The following VTN variants were observed in gnomAD, a reference collection of about 807,000 sequenced individuals.
VTN encodes vitronectin.
In VTN, 45 loss-of-function variants were observed where a neutral mutation model predicts 55.9. The ratio of observed to expected loss-of-function variants is 0.80; its 90% confidence interval spans 0.63 to 1.03. The LOEUF (loss-of-function observed/expected upper bound fraction) is 1.03, where lower values mean the gene tolerates loss of function less well. Ranked by LOEUF, VTN falls within the 50% of genes least tolerant of loss-of-function variation. The pLI, the probability that VTN is intolerant of heterozygous loss-of-function variation, is 0.00. For synonymous variants in VTN, 238 were observed against 242.3 expected (o/e 0.98, Z 0.17); for missense variants, 589 against 638.2 (o/e 0.92, Z 0.83).
chr17:28,369,878 T>A lies in VTN; in HGVS notation c.185-27A>T. On this transcript the variant is annotated intron_variant, in intron 2 of 7. Transcript: ENST00000226218. This position sits in a 1 kb window ranked among gnomAD's most constrained non-coding sequence, Gnocchi z 5.3. ...TGCAGAGAGTGGATGGTAGTGAGTCTCCAGCAGCAGGGGGCACCCCAGCCC... is the reference window on the plus strand; with the variant it reads ...TGCAGAGAGTGGATGGTAGTGAGTCACCAGCAGCAGGGGGCACCCCAGCCC... 1 of 1,612,222 alleles carries A rather than the reference T, an allele frequency of 6.2e-7. No individual in the cohort carries two copies. Among genetic ancestry groups the A allele is most frequent in the Non-Finnish European group, 8.5e-7 (1 of 1,178,560 alleles).
Position 28,369,249 on chromosome 17 carries a change from T to C in VTN, c.669+40A>G. 1.9e-6 allele frequency: 3 copies of C among 1,541,748 alleles called. No homozygotes were observed. Among genetic ancestry groups the C allele is most frequent in the Non-Finnish European group, 2.6e-6 (3 of 1,141,852 alleles). ...CCTGGGAGCAATAGCTCTCAAACCC[T>C]CCCTAGATGCTTTCTACCCTGGCCC... On this transcript the variant is annotated intron_variant, in intron 4 of 7. Transcript: ENST00000226218. The surrounding 1 kb of genome is among the most constrained non-coding windows in gnomAD (Gnocchi z 5.3).
chr17:28,367,699 T>A lies in VTN; in HGVS notation c.1324+16A>T. The A allele has an allele frequency of 2.5e-6, 4 of 1,601,512 alleles. No homozygotes were observed. Among genetic ancestry groups the A allele is most frequent in the Non-Finnish European group, 2.6e-6 (3 of 1,171,830 alleles). ...ACCCAAGCTAGACCAGCTTCAGGGG[T>A]GGCAGCGGCTCCTACCTCCAGAGAA... On this transcript the variant is annotated intron_variant, in intron 7 of 7. Transcript: ENST00000226218.
Position 28,369,312 on chromosome 17 carries a change from G to C in VTN, c.646C>G (p.Gln216Glu). 6.3e-7 allele frequency: 1 copy of C among 1,599,960 alleles called. No homozygotes were observed. The highest frequency in any genetic ancestry group is 1.7e-5 in the Admixed American group (1 of 59,150). ...IDAAFTRINC[Q>E]GKTYLFKGSQ... ...ACCTTGAAGAGGTAGGTCTTCCCCT[G>C]ACAGTTGATGCGGGTGAAGGCGGCA... The change falls in exon 4 of 8, where the codon CAG becomes GAG. Residue 216 changes from glutamine to glutamate, a missense_variant. By Grantham distance (29) the Gln-to-Glu change is conservative (BLOSUM62 2). Transcript: ENST00000226218. The surrounding 1 kb of genome is among the most constrained non-coding windows in gnomAD (Gnocchi z 5.3).
Position 28,368,591 on chromosome 17 carries a change from T to G in VTN, c.909A>C (p.Glu303Asp). ...TGTCCCGCTGCATCATGGCAAAGTG[T>G]TCAAACACAGCCGACAGGGAGCTGC... ...CEGSSLSAVFEHFAMMQRDSW... is the reference protein window; with the variant it reads ...CEGSSLSAVFDHFAMMQRDSW... The change falls in exon 6 of 8, where the codon GAA (glutamate) becomes GAC (aspartate). Residue 303 changes from glutamate (E) to aspartate (D), a missense_variant. Around this residue, in one of 3 missense-constraint regions of VTN, gnomAD observed 334 missense variants for 328.2 expected, o/e 1.02. Transcript: ENST00000226218. 1 of 1,613,944 alleles carries G rather than the reference T, an allele frequency of 6.2e-7. No individual in the cohort carries two copies. The highest frequency in any genetic ancestry group is 2.2e-5 in the East Asian group (1 of 44,880).
chr17:28,369,236 A>C lies in VTN; in HGVS notation c.669+53T>G. Reference sequence around the variant, plus strand: ...TGTCCACCCTGTCCCTGGGAGCAATAGCTCTCAAACCCTCCCTAGATGCTT... The same window carrying C: ...TGTCCACCCTGTCCCTGGGAGCAATCGCTCTCAAACCCTCCCTAGATGCTT... On this transcript the variant is annotated intron_variant, in intron 4 of 7. Coordinates refer to ENST00000226218, the MANE Select transcript of VTN (RefSeq NM_000638.4). The surrounding 1 kb of genome is among the most constrained non-coding windows in gnomAD (Gnocchi z 5.3). The C allele has an allele frequency of 6.5e-7, 1 of 1,529,916 alleles. No homozygotes were observed. Among genetic ancestry groups the C allele is most frequent in the East Asian group, 2.3e-5 (1 of 43,938 alleles). The allele number at this position is 1,529,916 out of a possible 1,614,324, so 94.8% of individuals were successfully genotyped here.
chr17:28,369,408 C>A lies in VTN; in HGVS notation c.550G>T (p.Asp184Tyr). ...AFRGQYCYEL[D>Y]EKAVRPGYPK... ...TACCCAGGCCTCACTGCCTTTTCGTCCAGTTCATAGCAGTACTGCCCTAGA... is the reference window on the plus strand; with the variant it reads ...TACCCAGGCCTCACTGCCTTTTCGTACAGTTCATAGCAGTACTGCCCTAGA... The change falls in exon 4 of 8, where the codon GAC becomes TAC. Residue 184 changes from aspartate (D) to tyrosine (Y), a missense_variant. By Grantham distance (160) the Asp-to-Tyr change is radical (BLOSUM62 -3). This residue lies in a region of VTN where 217 missense variants were observed against 241.3 expected (regional missense o/e 0.90). Coordinates refer to ENST00000226218, the MANE Select transcript of VTN (RefSeq NM_000638.4). This position sits in a 1 kb window ranked among gnomAD's most constrained non-coding sequence, Gnocchi z 5.3. 1 of 1,599,976 alleles carries A rather than the reference C, an allele frequency of 6.3e-7. No homozygotes were observed. Among genetic ancestry groups the A allele is most frequent in the Non-Finnish European group, 8.5e-7 (1 of 1,169,806 alleles).
Position 28,369,675 on chromosome 17 carries a change from C to T in VTN, c.361G>A (p.Glu121Lys). 6.2e-7 allele frequency: 1 copy of T among 1,613,816 alleles called. No individual in the cohort carries two copies. The highest frequency in any genetic ancestry group is 1.7e-5 in the Admixed American group (1 of 60,026). The stretch of plus-strand genomic sequence containing the variant: ...GCGCCCACCTCAGGCGCAGGGGCCT[C>T]TTCCTCAGGTTTCAGAACAGGTGTC... ...EQTPVLKPEE[E>K]APAPEVGASK... Residue 121 changes from glutamate to lysine, a missense_variant, in exon 3 of 8, where the codon GAG becomes AAG. This residue lies in a region of VTN where 217 missense variants were observed against 241.3 expected (regional missense o/e 0.90). Transcript: ENST00000226218. This position sits in a 1 kb window ranked among gnomAD's most constrained non-coding sequence, Gnocchi z 5.3.
In VTN at chr17:28,367,472, T is replaced by C. The variant is rs782715278; in HGVS notation, c.1334A>G (p.Tyr445Cys). The change falls in exon 8 of 8, where the codon TAC becomes TGC. Residue 445 changes from tyrosine (Y) to cysteine (C), a missense_variant. Tyr to Cys is a radical substitution (Grantham distance 194). Transcript: ENST00000226218. ...SVFFFSGDKY[Y>C]RVNLRTRRVD... ...TCGCCGTGTGCGAAGATTGACTCGG[T>C]AGTACTTGTCTGGAAGAGAGGAAAG... The C allele has an allele frequency of 6.2e-7, 1 of 1,613,428 alleles. No homozygotes were observed.
Position 28,369,727 on chromosome 17 carries a change from C to T in VTN, c.309G>A (p.Gln103=), listed in dbSNP as rs2067936534. The T allele has an allele frequency of 6.2e-7, 1 of 1,613,910 alleles. No individual in the cohort carries two copies. The highest frequency in any genetic ancestry group is 2.2e-5 in the East Asian group (1 of 44,876). The change falls in exon 3 of 8, where the codon CAG becomes CAA. Residue 103 remains glutamine, a synonymous_variant. Coordinates refer to ENST00000226218, the MANE Select transcript of VTN (RefSeq NM_000638.4). The surrounding 1 kb of genome is among the most constrained non-coding windows in gnomAD (Gnocchi z 5.3). ...GCTCAGGATTCCCTTTGGACTGGGC[C>T]TGGAGGTCAGAGGTCAGGGAGGGGC... ...VGGPSLTSDL[Q]AQSKGNPEQT...
At chr17:28,367,575 T>A in intron 7 of VTN, 94 bp from the exon 8 acceptor site, 1 of 1,403,850 alleles carries the variant, frequency 7.1e-7, no homozygotes, top group South Asian at 1.2e-5. Context: ...GAAGGGAAAG[T>A]GAACATCCAT....
Position 28,369,538 on chromosome 17 carries a change from G to T in VTN, c.498C>A (p.Asp166Glu). Residue 166 changes from aspartate to glutamate, a missense_variant, in exon 3 of 8, where the codon GAC becomes GAA. Coordinates refer to ENST00000226218, the MANE Select transcript of VTN (RefSeq NM_000638.4). The surrounding 1 kb of genome is among the most constrained non-coding windows in gnomAD (Gnocchi z 5.3). ...AGGCAAAGAGGGAACCGTTCTTGAGGTCGGTGAAGGCGTCGAAGGGCTTCC... is the reference window on the plus strand; with the variant it reads ...AGGCAAAGAGGGAACCGTTCTTGAGTTCGGTGAAGGCGTCGAAGGGCTTCC... Reference protein sequence around the residue: ...CSGKPFDAFTDLKNGSLFAFR... With the variant: ...CSGKPFDAFTELKNGSLFAFR... 2 of 1,609,482 alleles carry T rather than the reference G, an allele frequency of 1.2e-6. No individual in the cohort carries two copies. The highest frequency in any genetic ancestry group is 1.7e-6 in the Non-Finnish European group (2 of 1,179,378).
In VTN at chr17:28,369,499, G is replaced by A. The variant is rs2067934834; in HGVS notation, c.529+8C>T. On this transcript the variant is annotated splice_region_variant and intron_variant, in intron 3 of 7. Transcript: ENST00000226218. This position sits in a 1 kb window ranked among gnomAD's most constrained non-coding sequence, Gnocchi z 5.3. The stretch of plus-strand genomic sequence containing the variant: ...GACCCGCATCCCCAGTACCTGCCCT[G>A]GATTCACCTCGGAAGGCAAAGAGGG... The A allele has an allele frequency of 3.1e-6, 5 of 1,600,946 alleles. No homozygotes were observed. The highest frequency in any genetic ancestry group is 2.7e-5 in the African/African-American group (2 of 74,634).
At position 28,367,700 on chromosome 17, in the gene VTN, G is replaced by A. The variant is rs782251670; in HGVS notation, c.1324+15C>T. The A allele has an allele frequency of 6.2e-6, 10 of 1,602,754 alleles. No homozygotes were observed. Among genetic ancestry groups the A allele is most frequent in the Non-Finnish European group, 8.5e-6 (10 of 1,172,566 alleles). On this transcript the variant is annotated intron_variant, in intron 7 of 7. Transcript: ENST00000226218. The stretch of plus-strand genomic sequence containing the variant: ...CCCAAGCTAGACCAGCTTCAGGGGT[G>A]GCAGCGGCTCCTACCTCCAGAGAAG...
chr17:28,367,919 G>A lies in VTN; in HGVS notation c.1120C>T (p.Arg374Cys), dbSNP rs782537449. ...SLAKKQRFRH[R>C]NRKGYRSQRG... ...TGTGAACGGTAGCCTTTGCGGTTGC[G>A]ATGCCTAAACCTTTGTTTCTTGGCC... The change falls in exon 7 of 8, where the codon CGC (arginine) becomes TGC (cysteine). Residue 374 changes from arginine to cysteine, a missense_variant. Physicochemically the swap from Arg to Cys is radical, Grantham distance 180 (BLOSUM62 -3). Coordinates refer to ENST00000226218, the MANE Select transcript of VTN (RefSeq NM_000638.4). 12 of 1,610,798 alleles carry A rather than the reference G, an allele frequency of 7.4e-6. No individual in the cohort carries two copies. In the East Asian group the frequency reaches 1.1e-4, roughly 15 times the overall value.
Position 28,369,137 on chromosome 17 carries a change from A to G in VTN, c.670-109T>C. On this transcript the variant is annotated intron_variant, in intron 4 of 7. Transcript: ENST00000226218. The surrounding 1 kb of genome is among the most constrained non-coding windows in gnomAD (Gnocchi z 5.3). ...CCCAGGTCCAGGTTCACTGCCCAGG[A>G]CCTGGAGTCTTGGGGCTGCCCTGTG... 1 of 1,506,178 alleles carries G rather than the reference A, an allele frequency of 6.6e-7. No individual in the cohort carries two copies. The allele number at this position is 1,506,178 out of a possible 1,614,324, so 93.3% of individuals were successfully genotyped here.
At position 28,369,571 on chromosome 17, in the gene VTN, C is replaced by A; in HGVS notation, c.465G>T (p.Leu155=). 1 of 1,612,852 alleles carries A rather than the reference C, an allele frequency of 6.2e-7. No individual in the cohort carries two copies. The highest frequency in any genetic ancestry group is 8.5e-7 in the Non-Finnish European group (1 of 1,180,006). ...AGGCGTCGAAGGGCTTCCCACTGCA[C>A]AGCTCCTCCTCTGCTGGGGGCTGAG... is the stretch of plus-strand genomic sequence containing the variant. ...GRPQPPAEEE[L]CSGKPFDAFT... Residue 155 remains leucine, a synonymous_variant, in exon 3 of 8, where the codon CTG becomes CTT. Transcript: ENST00000226218. This position sits in a 1 kb window ranked among gnomAD's most constrained non-coding sequence, Gnocchi z 5.3.
Position 28,369,656 on chromosome 17 carries a change from A to G in VTN, c.380T>C (p.Val127Ala), listed in dbSNP as rs1332282282. 1 of 1,613,544 alleles carries G rather than the reference A, an allele frequency of 6.2e-7. No homozygotes were observed. The highest frequency in any genetic ancestry group is 8.5e-7 in the Non-Finnish European group (1 of 1,179,982). ...KPEEEAPAPE[V>A]GASKPEGIDS... ...TATCCCCTCAGGCTTAGAGGCGCCC[A>G]CCTCAGGCGCAGGGGCCTCTTCCTC... is the stretch of plus-strand genomic sequence containing the variant. The change falls in exon 3 of 8, where the codon GTG (valine) becomes GCG (alanine). Residue 127 changes from valine to alanine, a missense_variant. Transcript: ENST00000226218. This position sits in a 1 kb window ranked among gnomAD's most constrained non-coding sequence, Gnocchi z 5.3.
chr17:28,369,043 A>G lies in VTN; in HGVS notation c.670-15T>C, dbSNP rs781979507. ...TACTGACTACCCTAAGAGGTGGGGA[A>G]AGTGAAAAGGGGTATGGAGGCCGCT... On this transcript the variant is annotated splice_polypyrimidine_tract_variant and intron_variant, in intron 4 of 7. Transcript: ENST00000226218. This position sits in a 1 kb window ranked among gnomAD's most constrained non-coding sequence, Gnocchi z 5.3. 8.3e-6 allele frequency: 13 copies of G among 1,573,538 alleles called. No homozygotes were observed. The highest frequency in any genetic ancestry group is 1.2e-5 in the South Asian group (1 of 84,930).
rs138319093 is a variant in VTN at position 28,368,934 on chromosome 17, T to A, written c.764A>T (p.Asp255Val). ...DGFDGIPDNV[D>V]AALALPAHSY... ...ATGGGCAGGGAGGGCCAAGGCTGCATCCACGTTGTCCGGGATGCCATCGAA... is the reference window on the plus strand; with the variant it reads ...ATGGGCAGGGAGGGCCAAGGCTGCAACCACGTTGTCCGGGATGCCATCGAA... The change falls in exon 5 of 8, where the codon GAT (aspartate) becomes GTT (valine). Residue 255 changes from aspartate to valine, a missense_variant. This residue lies in a region of VTN where 334 missense variants were observed against 328.2 expected (regional missense o/e 1.02). Transcript: ENST00000226218. 2 of 1,606,230 alleles carry A rather than the reference T, an allele frequency of 1.2e-6. No homozygotes were observed. The highest frequency in any genetic ancestry group is 2.7e-5 in the African/African-American group (2 of 74,292).
Sources: allele counts gnomAD v4.1 joint callset, GRCh38; gene constraint gnomAD v4.1.1; regional missense constraint gnomAD v4.1.1; non-coding constraint Gnocchi (gnomAD v3.1); transcripts MANE v1.5; gene names NCBI Gene and HGNC (gene_info 2026-07-23, HGNC 2026-07-21).